Variants in RMC1 observed in about 807,000 individuals in gnomAD.
The protein encoded by RMC1 is regulator of MON1-CCZ1 complex.
In RMC1, 44 loss-of-function variants were observed where a neutral mutation model predicts 95.5. The ratio of observed to expected loss-of-function variants is 0.46; its 90% CI spans 0.36 to 0.59. The LOEUF (loss-of-function observed/expected upper bound fraction) is 0.59, where lower values mean the gene tolerates loss of function less well. Ranked by LOEUF, RMC1 falls within the 20% of genes least tolerant of loss-of-function variation. RMC1 has a pLI of 0.00. For missense variants in RMC1, 705 were observed against 819.6 expected, an observed-to-expected ratio of 0.86 and a Z score of 1.71; for synonymous variants, 320 against 303.6, an observed-to-expected ratio of 1.05 and a Z score of -0.56.
chr18:23,510,878 G>A (rs71202128), intron 5 of RMC1, among the ~76,000 whole-genome samples: 1 of 152,228 alleles, frequency 6.6e-6, no homozygotes, highest in African/African-American at 2.4e-5. Context: ...CTATTGCTGG[G>A]AGTGTAAATT....
At chr18:23,503,471 T>C (rs1476489743), upstream of RMC1, 1 of 383,312 alleles carries the variant, frequency 2.6e-6, no homozygotes, top group East Asian at 4.5e-5. Flanking sequence ...GTGGGCGGGG[T>C]GGGGGCGTGG....
intron 5 of RMC1, among the ~76,000 whole-genome samples, chr18:23,509,942 GCCTTGGCCA>G (rs2057807319): frequency 6.7e-6 from 1 of 149,436 alleles, no homozygotes; most frequent in Non-Finnish European, 1.5e-5. Flanking sequence ...CTCAACTCCT[GCCTTGGCCA>G]CTCAGCTTTA....
intron 5 of RMC1, among the ~76,000 whole-genome samples, chr18:23,509,880 T>C (rs1318535127): frequency 5.3e-5 from 8 of 152,062 alleles, no homozygotes. Context: ...TTAAACTTTT[T>C]TGTAGAGACG....
chr18:23,512,516 C>T (rs1242595281), intron 5 of RMC1, among the ~76,000 whole-genome samples: 1 of 151,844 alleles, frequency 6.6e-6, no homozygotes, highest in African/African-American at 2.4e-5. Flanking sequence ...GACCTCCTAG[C>T]CTCACGTAGT....
chr18:23,531,752 T>G lies in RMC1; in HGVS notation c.*48T>G, dbSNP rs770456820. The stretch of plus-strand genomic sequence containing the variant: ...TAAAAATGTGTACAAAGTTAATTTA[T>G]TGCATTAATAAAGCTCTTTAAACTA... On this transcript the variant is annotated 3_prime_UTR_variant, in exon 20 of 20. Coordinates refer to ENST00000269221, the MANE Select transcript of RMC1 (RefSeq NM_013326.5). The G allele has an allele frequency of 4.4e-6, 7 of 1,587,902 alleles. No homozygotes were observed. The highest frequency in any genetic ancestry group is 6.0e-6 in the Non-Finnish European group (7 of 1,172,024).
intron 14 of RMC1, chr18:23,528,600 A>AG (rs1218165311): frequency 5.2e-5 from 8 of 153,336 alleles, no homozygotes; most frequent in Non-Finnish European, 1.0e-4. Context: ...GAAGAGGGCC[A>AG]GTTGCTGGGA....
chr18:23,520,711 C>G (rs1040452819), intron 10 of RMC1, among the ~76,000 whole-genome samples: 6 of 152,092 alleles, frequency 3.9e-5, no homozygotes, highest in African/African-American at 1.4e-4. Context: ...TCTCGGCTCA[C>G]TGCAACCTCC....
In RMC1 at chr18:23,509,203, C is replaced by T; in HGVS notation, c.332C>T (p.Ala111Val). ...AAAAATTTTTCTTAGACTAAGAATG[C>T]CAACATTCTAGGATTCTGCTGGACT... ...EYTQECKTKN[A>V]NILGFCWTSS... Residue 111 changes from alanine to valine, a missense_variant, in exon 5 of 20, where the codon GCC becomes GTC. Transcript: ENST00000269221. 1 of 1,396,968 alleles carries T rather than the reference C, an allele frequency of 7.2e-7. No homozygotes were observed. The highest frequency in any genetic ancestry group is 9.4e-7 in the Non-Finnish European group (1 of 1,067,250). 86.5% of individuals were successfully genotyped at this position (1,396,968 alleles called of 1,614,324 possible). A position where few individuals can be genotyped will look rare whatever the true frequency, so the allele number is the denominator to read the frequency against.
At chr18:23,517,182 GCT>G (rs1395955845) in intron 7 of RMC1, among the ~76,000 whole-genome samples, 5 of 149,890 alleles carry the variant, frequency 3.3e-5, no homozygotes, top group Non-Finnish European at 5.9e-5. Flanking sequence ...ATGGAGTCTT[GCT>G]CTGTTGCCAG....
At chr18:23,529,095 G>T in intron 14 of RMC1, 84 bp from the exon 15 acceptor site, 3 of 1,527,978 alleles carry the variant, frequency 2.0e-6, no homozygotes, top group African/African-American at 1.4e-5. Context: ...CCACATCGAA[G>T]AATTCAGTCC....
intron 15 of RMC1, 166 bp downstream of exon 15, chr18:23,529,464 C>T: frequency 1.6e-6 from 2 of 1,270,706 alleles, no homozygotes; most frequent in Non-Finnish European, 2.2e-6. Flanking sequence ...AATGCTGAGG[C>T]CTAAAGCATA....
chr18:23,522,548 C>G (rs978832457), intron 10 of RMC1: 1 of 152,296 alleles, frequency 6.6e-6, no homozygotes, highest in Non-Finnish European at 1.5e-5. Flanking sequence ...CAAGACCATT[C>G]TTCTTCTTCC....
chr18:23,513,960 G>A (rs116782656), intron 5 of RMC1, among the ~76,000 whole-genome samples: 1,750 of 152,210 alleles, frequency 0.011, 37 homozygotes, highest in African/African-American at 0.04. Flanking sequence ...TATTTTCTCC[G>A]AATCCGGAGG....
chr18:23,530,051 C>CA lies in RMC1; in HGVS notation c.1522dup (p.Thr508AsnfsTer56). Reference sequence around the variant, plus strand: ...AGCATTACCTACATGAACTTGTTATCAAAACCCTTGTCCAGCACAACCTCT... The same window carrying CA: ...AGCATTACCTACATGAACTTGTTATCAAAAACCCTTGTCCAGCACAACCTCT... On this transcript the variant is annotated frameshift_variant, in exon 17 of 20. Transcript: ENST00000269221. LOFTEE classifies it high-confidence loss of function. The CA allele has an allele frequency of 1.2e-6, 2 of 1,614,148 alleles. No individual in the cohort carries two copies. The highest frequency in any genetic ancestry group is 1.7e-6 in the Non-Finnish European group (2 of 1,179,972).
At chr18:23,515,498 A>G (rs1471148809) in intron 5 of RMC1, among the ~76,000 whole-genome samples, 1 of 152,128 alleles carries the variant, frequency 6.6e-6, no homozygotes. Flanking sequence ...CTCAGAGCGC[A>G]CTGTAAGGAT....
rs1273782680 is a variant in RMC1 at position 23,530,121 on chromosome 18, T to G, written c.1588T>G (p.Ser530Ala). 6.2e-7 allele frequency: 1 copy of G among 1,614,056 alleles called. No homozygotes were observed. The highest frequency in any genetic ancestry group is 8.5e-7 in the Non-Finnish European group (1 of 1,179,992). ...CCTGCAGTACCACGTCCTCAGCGAC[T>G]CCAAACCTTTGGTATGCATTGCCAG... The part of the protein sequence containing the change: ...QFLQYHVLSD[S>A]KPLACLLLSL... Residue 530 changes from serine (S) to alanine (A), a missense_variant, in exon 17 of 20, where the codon TCC becomes GCC. By Grantham distance (99) the Ser-to-Ala change is moderately conservative. Transcript: ENST00000269221.
rs756185917 is a variant in RMC1, at chr18:23,531,632, CTG to C, written c.1905_1906del (p.Cys635Ter). ...AAATCTCTTCCTTTCTAGGGGAACA[CTG>C]TGAAGAACATGTTGCTTTTTTCAAA... ...GSPNFTPGEHCEEHVAFFKQI... is the reference protein window; with the variant it reads ...GSPNFTPGEHXEEHVAFFKQI... On this transcript the variant is annotated frameshift_variant, in exon 20 of 20. Transcript: ENST00000269221. LOFTEE classifies it high-confidence loss of function. 3 of 1,613,048 alleles carry C rather than the reference CTG, an allele frequency of 1.9e-6. No homozygotes were observed. The Admixed American group carries it at 5.0e-5, about 27-fold the overall frequency.
Position 23,510,983 on chromosome 18 carries a change from T to A in RMC1, c.408+1704T>A, listed in dbSNP as rs1452358543. On this transcript the variant is annotated intron_variant, in intron 5 of 19. Coordinates refer to ENST00000269221, the MANE Select transcript of RMC1 (RefSeq NM_013326.5). ...AGCAGCCCCATTACTGGGTGTAATA[T>A]GCAGAGGAATATAAATTATTCTACC... 6.6e-5 allele frequency among the ~76,000 whole-genome samples: 10 copies of A among 152,298 alleles called. No individual in the cohort carries two copies. In the East Asian group the frequency reaches 1.9e-3, roughly 29 times the overall value.
Position 23,531,743 on chromosome 18 carries a change from GTTAAT to G in RMC1, c.*43_*47del, listed in dbSNP as rs2058516611. ...TTTTTTATATAAAAATGTGTACAAA[GTTAAT>G]TTATTGCATTAATAAAGCTCTTTAA... On this transcript the variant is annotated 3_prime_UTR_variant, in exon 20 of 20. Transcript: ENST00000269221. 1 of 1,589,754 alleles carries G rather than the reference GTTAAT, an allele frequency of 6.3e-7. No homozygotes were observed. Among genetic ancestry groups the G allele is most frequent in the South Asian group, 1.2e-5 (1 of 86,188 alleles).
Sources: allele counts gnomAD v4.1 joint callset (sites outside exome capture counted in the v4.1 genomes callset), GRCh38; gene constraint gnomAD v4.1.1; transcripts MANE v1.5; gene names NCBI Gene and HGNC (gene_info 2026-07-23, HGNC 2026-07-21).